ASIC2: variants seen among roughly 807,000 people sequenced by gnomAD.
ASIC2 encodes acid sensing ion channel subunit 2, also known as acid-sensing ion channel 2.
In ASIC2, 25 loss-of-function variants were observed where a neutral mutation model predicts 57.3. That is an observed-to-expected ratio of 0.44 (90% confidence interval 0.32 to 0.61). The LOEUF (loss-of-function observed/expected upper bound fraction) is 0.61, where lower values mean the gene tolerates loss of function less well. Ranked by LOEUF, ASIC2 falls within the 20% of genes least tolerant of loss-of-function variation. The pLI is 0.06. For synonymous variants in ASIC2, 319 were observed against 307.5 expected (o/e 1.04, Z -0.39); for missense variants, 641 against 738.1 (o/e 0.87, Z 1.52).
chr17:34,080,874 G>A (rs150732066), intron 1 of ASIC2: 80 of 152,272 alleles, frequency 5.3e-4, no homozygotes, highest in African/African-American at 1.7e-3. Flanking sequence ...TGATGGAGTG[G>A]GTCTGGCTGA....
intron 1 of ASIC2, among the ~76,000 whole-genome samples, chr17:33,995,484 T>C (rs1481013612): frequency 6.6e-6 from 1 of 152,190 alleles, no homozygotes; most frequent in Non-Finnish European, 1.5e-5. Flanking sequence ...TGTATGTATG[T>C]GTATGTGTCT....
At chr17:33,954,997 G>A (rs762885243) in intron 1 of ASIC2, 2 of 152,228 alleles carry the variant, frequency 1.3e-5, no homozygotes, top group Non-Finnish European at 2.9e-5. Context: ...GATACAAGGT[G>A]TAAAGTTCTT....
chr17:33,441,026 T>C (rs2141984038), intron 1 of ASIC2, among the ~76,000 whole-genome samples: 1 of 152,224 alleles, frequency 6.6e-6, no homozygotes, highest in Non-Finnish European at 1.5e-5. Flanking sequence ...TGGAATGGAG[T>C]GGTGTGATCA....
chr17:33,386,847 C>T (rs2141950025), intron 1 of ASIC2, among the ~76,000 whole-genome samples: 1 of 152,318 alleles, frequency 6.6e-6, no homozygotes. Context: ...CATCAAGTTG[C>T]TTCCCTCAGA....
chr17:33,109,814 A>C (rs1023204753), intron 2 of ASIC2, among the ~76,000 whole-genome samples: 11 of 152,224 alleles, frequency 7.2e-5, no homozygotes, highest in Non-Finnish European at 1.5e-5. Context: ...CATGACTTCA[A>C]AGACATCATT....
intron 1 of ASIC2, among the ~76,000 whole-genome samples, chr17:33,543,746 A>T (rs1915496015): frequency 6.6e-6 from 1 of 152,194 alleles, no homozygotes; most frequent in Admixed American, 6.5e-5. Context: ...TGCTCTAAGC[A>T]TGAGGAGCCT....
In ASIC2 at chr17:33,859,829, T is replaced by G. The variant is rs143695143; in HGVS notation, c.555+296149A>C. ...CCTCCCAAGTAGCTGGGAATACAGG[T>G]GCATGTGCTACCACACCTAGCTAAT... On this transcript the variant is annotated intron_variant, in intron 1 of 9. Transcript: ENST00000359872. Among the ~76,000 whole-genome samples, 443 of 152,254 alleles carry G rather than the reference T, an allele frequency of 2.9e-3. 3 individuals are homozygous for G. Among genetic ancestry groups the G allele is most frequent in the African/African-American group, 0.01 (429 of 41,546 alleles).
intron 1 of ASIC2, among the ~76,000 whole-genome samples, chr17:33,507,585 C>CTT (rs373531525): frequency 6.7e-6 from 1 of 149,282 alleles, no homozygotes; most frequent in African/African-American, 2.4e-5. Flanking sequence ...ATCGTTTTCT[C>CTT]TTTTTTTTTT....
intron 1 of ASIC2, among the ~76,000 whole-genome samples, chr17:33,387,336 G>A (rs1046621756): frequency 2.6e-5 from 4 of 152,210 alleles, no homozygotes; most frequent in African/African-American, 9.7e-5. Flanking sequence ...CAGTCCTTGC[G>A]GAACAAGCCA....
At chr17:33,356,369 C>T (rs983912699) in intron 1 of ASIC2, among the ~76,000 whole-genome samples, 2 of 152,282 alleles carry the variant, frequency 1.3e-5, no homozygotes, top group African/African-American at 4.8e-5. Flanking sequence ...TGGGGCCAGG[C>T]TTCAGATCTA....
intron 1 of ASIC2, among the ~76,000 whole-genome samples, chr17:34,148,181 A>G (rs888840265): frequency 7.2e-5 from 11 of 152,224 alleles, no homozygotes; most frequent in Non-Finnish European, 1.5e-4. Flanking sequence ...AGACACAGAC[A>G]TGCACATTCA....
intron 1 of ASIC2, among the ~76,000 whole-genome samples, chr17:34,022,646 A>C (rs1351101495): frequency 1.3e-5 from 2 of 151,958 alleles, no homozygotes; most frequent in Non-Finnish European, 2.9e-5. Flanking sequence ...AAAAACAAAA[A>C]AAAAAACAAA....
chr17:33,127,749 C>T lies in ASIC2; in HGVS notation c.709-15682G>A, dbSNP rs575924545. Among the ~76,000 whole-genome samples, 19 of 152,330 alleles carry T rather than the reference C, an allele frequency of 1.2e-4. No individual in the cohort carries two copies. In the South Asian group the frequency reaches 3.7e-3, roughly 30 times the overall value. On this transcript the variant is annotated intron_variant, in intron 1 of 9. Coordinates refer to ENST00000225823, the MANE Select transcript of ASIC2 (RefSeq NM_183377.2). ...TGCTCATCTCTTACCTGGTTAACTG[C>T]CACAGCCTCCTACAGAGTCTCCCAC...
intron 1 of ASIC2, among the ~76,000 whole-genome samples, chr17:33,145,903 G>A (rs1158849382): frequency 2.0e-5 from 3 of 152,240 alleles, no homozygotes; most frequent in East Asian, 1.9e-4. Flanking sequence ...GCAGCAAGAA[G>A]CCATGCTTAG....
intron 1 of ASIC2, chr17:34,038,363 A>G (rs1175286066): frequency 8.7e-6 from 14 of 1,611,032 alleles, no homozygotes; most frequent in Non-Finnish European, 1.2e-5. Context: ...CAGCTTAACT[A>G]TTCTGGGATG....
At chr17:33,314,930 GAC>G (rs2142209191) in intron 1 of ASIC2, among the ~76,000 whole-genome samples, 1 of 152,286 alleles carries the variant, frequency 6.6e-6, no homozygotes, top group East Asian at 1.9e-4. Context: ...GGCTGCATGA[GAC>G]ACACAGTCTT....
intron 3 of ASIC2, among the ~76,000 whole-genome samples, chr17:33,081,551 C>A (rs1314759102): frequency 1.3e-5 from 2 of 152,156 alleles, no homozygotes; most frequent in African/African-American, 4.8e-5. Context: ...AATAAATTCT[C>A]TCTTCTGCCT....
At chr17:33,106,636 C>G (rs1398307462) in intron 2 of ASIC2, among the ~76,000 whole-genome samples, 1 of 152,174 alleles carries the variant, frequency 6.6e-6, no homozygotes, top group Admixed American at 6.5e-5. Flanking sequence ...CCACCATCGG[C>G]CCAACTTCTT....
At chr17:33,397,118 C>T (rs1193338682) in intron 1 of ASIC2, among the ~76,000 whole-genome samples, 1 of 152,188 alleles carries the variant, frequency 6.6e-6, no homozygotes, top group Non-Finnish European at 1.5e-5. Context: ...CTAGATTGCT[C>T]ACTGCCTGGT....
Sources: allele counts gnomAD v4.1 joint callset (sites outside exome capture counted in the v4.1 genomes callset), GRCh38; gene constraint gnomAD v4.1.1; transcripts MANE v1.5; gene names NCBI Gene and HGNC (gene_info 2026-07-23, HGNC 2026-07-21).